Variants in TIMM44 observed in about 807,000 individuals in gnomAD.
TIMM44 encodes the protein mitochondrial import inner membrane translocase subunit TIM44.
A neutral mutation model predicts 63.8 loss-of-function variants in TIMM44; 37 were observed. The observed-to-expected ratio is 0.58, with a 90% CI of 0.45 to 0.76. TIMM44 has a LOEUF of 0.76. Among genes scored for constraint, TIMM44 ranks in the 30% least tolerant of loss-of-function variants. The probability of loss-of-function intolerance (pLI) is 0.00; values close to 1 mark genes in which losing one functional copy is unlikely to be tolerated. For missense variants in TIMM44, 573 were observed against 603.8 expected (o/e 0.95, Z 0.54); for synonymous variants, 239 against 245.1 (o/e 0.98, Z 0.23).
intron 10 of TIMM44, 21 bp from the exon 11 acceptor site, chr19:7,928,187 G>T (rs775735216): frequency 6.2e-7 from 1 of 1,606,168 alleles, no homozygotes; most frequent in Non-Finnish European, 8.5e-7. Context: ...AGGCCGACAC[G>T]CCTGCGTGAT....
At chr19:7,941,386 C>G (rs1410464844) in intron 1 of TIMM44, among the ~76,000 whole-genome samples, 189 bp from the exon 2 acceptor site, 2 of 151,306 alleles carry the variant, frequency 1.3e-5, no homozygotes, top group Admixed American at 1.3e-4. Context: ...CTCCTGGGTT[C>G]AAGCGATTCT....
In TIMM44 at chr19:7,933,554, C is replaced by T. The variant is rs755332243; in HGVS notation, c.700G>A (p.Val234Met). The change falls in exon 7 of 13, where the codon GTG becomes ATG. Residue 234 changes from valine (V) to methionine (M), a missense_variant. Transcript: ENST00000270538. This position sits in a 1 kb window ranked among gnomAD's most constrained non-coding sequence, Gnocchi z 4.3. ...TACCACTTGGAGTCCTTGTGCAGCA[C>T]GACCCCCAGGGCCTCCCTGGGGAAG... ...FEPNEEALGVVLHKDSKWYQQ... is the reference protein window; with the variant it reads ...FEPNEEALGVMLHKDSKWYQQ... 1.5e-5 allele frequency: 25 copies of T among 1,613,928 alleles called. No homozygotes were observed. The highest frequency in any genetic ancestry group is 2.7e-5 in the African/African-American group (2 of 74,914).
rs764493174 is a variant in TIMM44, at chr19:7,934,945, G to A, written c.393+120C>T. On this transcript the variant is annotated intron_variant, in intron 4 of 12. Coordinates refer to ENST00000270538, the MANE Select transcript of TIMM44 (RefSeq NM_006351.4). This position sits in a 1 kb window ranked among gnomAD's most constrained non-coding sequence, Gnocchi z 5.3. ...GAAACCTTCCCGAGGGTGGCAGCAC[G>A]CCCCATGCCACCCACTGCTGCCAAG... 4.0e-5 allele frequency: 35 copies of A among 878,808 alleles called. No homozygotes were observed. Among genetic ancestry groups the A allele is most frequent in the South Asian group, 8.5e-5 (6 of 70,560 alleles). The allele number at this position is 878,808 out of a possible 1,614,324, so 54.4% of individuals were successfully genotyped here. A position where few individuals can be genotyped will look rare whatever the true frequency, so the allele number is the denominator to read the frequency against.
rs143091269 is a variant in TIMM44 at position 7,934,021 on chromosome 19, C to T, written c.544-18G>A. The T allele has an allele frequency of 3.7e-6, 6 of 1,613,750 alleles. No homozygotes were observed. The highest frequency in any genetic ancestry group is 1.6e-4 in the Middle Eastern group (1 of 6,062). On this transcript the variant is annotated intron_variant, in intron 5 of 12. Transcript: ENST00000270538. This position sits in a 1 kb window ranked among gnomAD's most constrained non-coding sequence, Gnocchi z 5.3. ...TCCACCCCCTGCGAGGGAGGCACAG[C>T]GGGGCTGGGGTGGGTGTCTGGGTTC...
At position 7,933,584 on chromosome 19, in the gene TIMM44, T is replaced by TGGGCCCC. The variant is rs747059106; in HGVS notation, c.684-15_684-14insGGGGCCC. 3.2e-5 allele frequency: 51 copies of TGGGCCCC among 1,612,176 alleles called. 1 individual carries two copies. The East Asian group carries it at 1.1e-3, about 36-fold the overall frequency. On this transcript the variant is annotated splice_polypyrimidine_tract_variant and intron_variant, in intron 6 of 12. Transcript: ENST00000270538. The surrounding 1 kb of genome is among the most constrained non-coding windows in gnomAD (Gnocchi z 4.3). ...CCCAGGGCCTCCCTGGGGAAGAGGG[T>TGGGCCCC]GGGCCCTGGGGTGAGCGGCGGCGCC...
chr19:7,929,893 G>T (rs1464189962), intron 10 of TIMM44, among the ~76,000 whole-genome samples: 1 of 152,150 alleles, frequency 6.6e-6, no homozygotes, highest in African/African-American at 2.4e-5. Flanking sequence ...CTGTTGCCCA[G>T]GCTGGAGTGC....
Position 7,940,323 on chromosome 19 carries a change from C to T in TIMM44, c.141+779G>A, listed in dbSNP as rs188288294. On this transcript the variant is annotated intron_variant, in intron 2 of 12. Transcript: ENST00000270538. Reference sequence around the variant, plus strand: ...CAGTCCCATTCAGATGCCACCCTGGCCAGCCTTTCTCCAGGGGAAACCCAG... The same window carrying T: ...CAGTCCCATTCAGATGCCACCCTGGTCAGCCTTTCTCCAGGGGAAACCCAG... 1.6e-3 allele frequency among the ~76,000 whole-genome samples: 240 copies of T among 152,138 alleles called. 1 individual carries two copies. The highest frequency in any genetic ancestry group is 5.7e-3 in the African/African-American group (236 of 41,524).
chr19:7,937,329 A>G (rs966476396), intron 3 of TIMM44, among the ~76,000 whole-genome samples: 1 of 152,212 alleles, frequency 6.6e-6, no homozygotes, highest in Admixed American at 6.5e-5. Context: ...ACCAGGCTCC[A>G]CTCAGAGGGC....
At chr19:7,927,395 C>G in intron 12 of TIMM44, 89 bp from the exon 13 acceptor site, 1 of 1,503,228 alleles carries the variant, frequency 6.7e-7, no homozygotes, top group South Asian at 1.1e-5. Context: ...GGGGCAGGAG[C>G]CACCGGCAAC....
chr19:7,927,171 G>A lies in TIMM44; in HGVS notation c.*16C>T. ...CTGATGACCCAGGCCGGGGCTACCT[G>A]GCTCCGGCACCACACTCAGAGAATC... On this transcript the variant is annotated 3_prime_UTR_variant, in exon 13 of 13. Transcript: ENST00000270538. 6.2e-7 allele frequency: 1 copy of A among 1,602,452 alleles called. No individual in the cohort carries two copies. Among genetic ancestry groups the A allele is most frequent in the Non-Finnish European group, 8.5e-7 (1 of 1,178,480 alleles).
rs757046356 is a variant in TIMM44, at chr19:7,932,692, G to C, written c.922C>G (p.Pro308Ala). The change falls in exon 9 of 13, where the codon CCG (proline) becomes GCG (alanine). Residue 308 changes from proline to alanine, a missense_variant. By Grantham distance (27) the Pro-to-Ala change is conservative (BLOSUM62 -1). Coordinates refer to ENST00000270538, the MANE Select transcript of TIMM44 (RefSeq NM_006351.4). ...AGAAACCGGTCCTTGTCAAAGGCCG[G>C]GTCCACCCGGAGGATCTCCGTGAGC... is the stretch of plus-strand genomic sequence containing the variant. ...EVLTEILRVD[P>A]AFDKDRFLKQ... 2.5e-6 allele frequency: 4 copies of C among 1,614,138 alleles called. No homozygotes were observed. Among genetic ancestry groups the C allele is most frequent in the Non-Finnish European group, 3.4e-6 (4 of 1,180,010 alleles).
intron 3 of TIMM44, among the ~76,000 whole-genome samples, chr19:7,936,471 C>T (rs907888285): frequency 5.9e-5 from 9 of 152,116 alleles, no homozygotes; most frequent in Non-Finnish European, 1.3e-4. Flanking sequence ...AAACAAAAAA[C>T]GAACAAACAA....
chr19:7,927,496 C>T (rs987872505), intron 12 of TIMM44, 161 bp downstream of exon 12: 45 of 1,015,508 alleles, frequency 4.4e-5, no homozygotes, highest in Non-Finnish European at 5.5e-5. Context: ...TGCTGGTCTC[C>T]GACCTCCCTC....
chr19:7,933,537 G>C lies in TIMM44; in HGVS notation c.717C>G (p.Ser239=). The change falls in exon 7 of 13, where the codon TCC becomes TCG. Residue 239 remains serine, a synonymous_variant. Transcript: ENST00000270538. This position sits in a 1 kb window ranked among gnomAD's most constrained non-coding sequence, Gnocchi z 4.3. ...AGTCCTTCCACTGCTGGTACCACTT[G>C]GAGTCCTTGTGCAGCACGACCCCCA... The part of the protein sequence containing the change: ...EALGVVLHKD[S]KWYQQWKDFK... 1 of 1,614,038 alleles carries C rather than the reference G, an allele frequency of 6.2e-7. No homozygotes were observed. Among genetic ancestry groups the C allele is most frequent in the Non-Finnish European group, 8.5e-7 (1 of 1,179,988 alleles).
At chr19:7,930,293 A>G (rs958441742) in intron 10 of TIMM44, among the ~76,000 whole-genome samples, 2 of 142,168 alleles carry the variant, frequency 1.4e-5, no homozygotes, top group Non-Finnish European at 3.0e-5. Flanking sequence ...GCCTGCCTCC[A>G]TGCTTGGCTC....
intron 10 of TIMM44, among the ~76,000 whole-genome samples, chr19:7,929,636 C>T (rs909562200): frequency 1.3e-5 from 2 of 152,126 alleles, no homozygotes; most frequent in Admixed American, 6.5e-5. Flanking sequence ...AGGGACTCTG[C>T]TCTGGCCTGG....
rs1983985122 is a variant in TIMM44, at chr19:7,931,607, C to G, written c.988-419G>C. 5 of 218,768 alleles carry G rather than the reference C, an allele frequency of 2.3e-5. No individual in the cohort carries two copies. The South Asian group carries it at 3.1e-4, about 14-fold the overall frequency. The allele number at this position is 218,768 out of a possible 1,614,324, so 13.6% of individuals were successfully genotyped here. A position where few individuals can be genotyped will look rare whatever the true frequency, so the allele number is the denominator to read the frequency against. On this transcript the variant is annotated intron_variant, in intron 9 of 12. Transcript: ENST00000270538. ...GGGGACCACATTTCGGACTGCAAGGCCCACCATGGGACCGGCTGCCTCCTA... is the reference window on the plus strand; with the variant it reads ...GGGGACCACATTTCGGACTGCAAGGGCCACCATGGGACCGGCTGCCTCCTA...
intron 11 of TIMM44, 61 bp downstream of exon 11, chr19:7,928,016 T>C (rs1487437121): frequency 7.9e-6 from 12 of 1,517,336 alleles, no homozygotes; most frequent in Non-Finnish European, 9.1e-6. Context: ...CTCCTGGGCC[T>C]TGTCTGGGCC....
intron 9 of TIMM44, 59 bp from the exon 10 acceptor site, chr19:7,931,247 A>T (rs1983974210): frequency 1.3e-6 from 2 of 1,503,374 alleles, no homozygotes; most frequent in Non-Finnish European, 1.9e-6. Flanking sequence ...GCAGCAGGCG[A>T]GGTCCTGGGA....
Sources: gnomAD v4.1 joint callset for allele counts (sites outside exome capture counted in the v4.1 genomes callset) on GRCh38, gnomAD v4.1.1 for gene constraint, Gnocchi (gnomAD v3.1) non-coding constraint, MANE v1.5 for transcripts, NCBI Gene and HGNC (gene_info 2026-07-23, HGNC 2026-07-21) for gene names.